The following FBN3 variants were observed in gnomAD, a reference collection of about 807,000 sequenced individuals.
FBN3 encodes fibrillin-3.
Under a neutral mutation model 330.1 loss-of-function variants are expected in FBN3, and 234 were observed. The ratio of observed to expected loss-of-function variants is 0.71; its 90% confidence interval spans 0.64 to 0.79. The LOEUF (loss-of-function observed/expected upper bound fraction) is 0.79, where lower values mean the gene tolerates loss of function less well. Among genes scored for constraint, FBN3 ranks in the 30% least tolerant of loss-of-function variants. The pLI is 0.00. For synonymous variants in FBN3, 1,458 were observed against 1,517.3 expected (o/e 0.96, Z 0.91); for missense variants, 3,606 against 3,886.9 (o/e 0.93, Z 1.92).
intron 4 of FBN3, 91 bp downstream of exon 4, chr19:8,146,036 T>C (rs2145067364): frequency 1.3e-6 from 2 of 1,494,954 alleles, no homozygotes; most frequent in East Asian, 4.9e-5. Flanking sequence ...GCCCCGCTCC[T>C]GTCCTTCAAC....
rs771974829 is a variant in FBN3, at chr19:8,131,199, G to T, written c.2044+36C>A. The T allele has an allele frequency of 5.7e-6, 9 of 1,591,288 alleles. No homozygotes were observed. Among genetic ancestry groups the T allele is most frequent in the Admixed American group, 5.4e-5 (3 of 55,526 alleles). On this transcript the variant is annotated intron_variant, in intron 16 of 63. Coordinates refer to ENST00000600128, the MANE Select transcript of FBN3 (RefSeq NM_032447.5). The surrounding 1 kb of genome is among the most constrained non-coding windows in gnomAD (Gnocchi z 4.5). The stretch of plus-strand genomic sequence containing the variant: ...CTCTCCCCACATCTGGTAGGGGCAG[G>T]CTGGCTGCTGTTTGGAGGGGCTGGG...
At chr19:8,111,244 G>A in intron 32 of FBN3, 61 bp from the exon 33 acceptor site, 1 of 1,523,344 alleles carries the variant, frequency 6.6e-7, no homozygotes, top group East Asian at 2.3e-5. Context: ...CACAGGGTGG[G>A]CAGGAGGCCC....
Position 8,081,434 on chromosome 19 carries a change from G to A in FBN3, c.7260C>T (p.Cys2420=). 6.2e-7 allele frequency: 1 copy of A among 1,612,506 alleles called. No individual in the cohort carries two copies. Among genetic ancestry groups the A allele is most frequent in the Non-Finnish European group, 8.5e-7 (1 of 1,179,256 alleles). The change falls in exon 58 of 64, where the codon TGC becomes TGT. Residue 2420 remains cysteine (C), a synonymous_variant. Transcript: ENST00000600128. ...ACAGGAAACTGCCCTTCGTGTTTTT[G>A]CAGAGGAAGGTACATGGCTTGGGGA... is the stretch of plus-strand genomic sequence containing the variant. ...SQVPKPCTFL[C]KNTKGSFLCS...
chr19:8,097,090 G>A (rs530710949), intron 42 of FBN3, 84 bp from the exon 43 acceptor site: 382 of 1,549,082 alleles, frequency 2.5e-4, no homozygotes, highest in African/African-American at 2.6e-4. Context: ...CCACTGCTTC[G>A]GAGCAGGTGG....
intron 48 of FBN3, 80 bp from the exon 49 acceptor site, chr19:8,090,331 T>C: frequency 6.6e-7 from 1 of 1,511,654 alleles, no homozygotes; most frequent in Non-Finnish European, 9.0e-7. Flanking sequence ...CGCACCCCAG[T>C]CCTGGTGAAT....
At chr19:8,125,385 G>GC (rs1475126620) in intron 22 of FBN3, among the ~76,000 whole-genome samples, 3 of 151,688 alleles carry the variant, frequency 2.0e-5, no homozygotes, top group African/African-American at 7.3e-5. Context: ...CTGCACTCCT[G>GC]CCTGGGTGAC....
intron 4 of FBN3, 94 bp downstream of exon 4, chr19:8,146,033 T>C: frequency 6.7e-7 from 1 of 1,489,470 alleles, no homozygotes; most frequent in Admixed American, 2.0e-5. Context: ...TCAGCCCCGC[T>C]CCTGTCCTTC....
chr19:8,098,723 A>T (rs1345777867), intron 41 of FBN3, among the ~76,000 whole-genome samples: 1 of 152,226 alleles, frequency 6.6e-6, no homozygotes, highest in Non-Finnish European at 1.5e-5. Flanking sequence ...CAAAACCACT[A>T]AACAGGGCAC....
In FBN3 at chr19:8,115,771, CTCTT is replaced by C. The variant is rs996976374; in HGVS notation, c.3713-135_3713-132del. ...CGCACAGGTCCTCTCTGCTAGGACTCTCTTTCTTTTCTCCAGGGGCGGGGAGCTC... is the reference window on the plus strand; with the variant it reads ...CGCACAGGTCCTCTCTGCTAGGACTCTCTTTTCTCCAGGGGCGGGGAGCTC... On this transcript the variant is annotated intron_variant, in intron 29 of 63. Transcript: ENST00000600128. The C allele has an allele frequency of 4.3e-5, 45 of 1,058,008 alleles. No individual in the cohort carries two copies. The African/African-American group carries it at 4.4e-4, about 10-fold the overall frequency. The allele number at this position is 1,058,008 out of a possible 1,614,324, so 65.5% of individuals were successfully genotyped here.
chr19:8,138,901 G>A (rs181662898), intron 8 of FBN3, among the ~76,000 whole-genome samples: 1 of 152,190 alleles, frequency 6.6e-6, no homozygotes, highest in East Asian at 1.9e-4. Context: ...ACAAAAATTA[G>A]CCAAGGGTGG....
At position 8,118,898 on chromosome 19, in the gene FBN3, C is replaced by A; in HGVS notation, c.3336G>T (p.Glu1112Asp). The A allele has an allele frequency of 6.2e-7, 1 of 1,610,346 alleles. No homozygotes were observed. The highest frequency in any genetic ancestry group is 8.5e-7 in the Non-Finnish European group (1 of 1,176,850). Reference sequence around the variant, plus strand: ...TTGCACACCCAGATGCACACTTACCCTCACAGGCAGTGCCCTTGGCCGTCA... The same window carrying A: ...TTGCACACCCAGATGCACACTTACCATCACAGGCAGTGCCCTTGGCCGTCA... Reference protein sequence around the residue: ...HELTAKGTACEDIDECSLSDG... With the variant: ...HELTAKGTACDDIDECSLSDG... Residue 1112 changes from glutamate to aspartate, a missense_variant and splice_region_variant, in exon 26 of 64, where the codon GAG (glutamate) becomes GAT (aspartate). Coordinates refer to ENST00000600128, the MANE Select transcript of FBN3 (RefSeq NM_032447.5).
chr19:8,145,053 A>C, intron 5 of FBN3, 81 bp from the exon 6 acceptor site: 1 of 1,186,318 alleles, frequency 8.4e-7, no homozygotes, highest in South Asian at 1.3e-5. Context: ...GTCTTCACCC[A>C]GGAATCCCCA....
Position 8,138,430 on chromosome 19 carries a change from A to G in FBN3, c.1000T>C (p.Cys334Arg). 1 of 1,612,582 alleles carries G rather than the reference A, an allele frequency of 6.2e-7. No individual in the cohort carries two copies. Among genetic ancestry groups the G allele is most frequent in the Non-Finnish European group, 8.5e-7 (1 of 1,179,300 alleles). Residue 334 changes from cysteine (C) to arginine (R), a missense_variant, in exon 9 of 64, where the codon TGT becomes CGT. Physicochemically the swap from Cys to Arg is radical, Grantham distance 180. Coordinates refer to ENST00000600128, the MANE Select transcript of FBN3 (RefSeq NM_032447.5). ...CWAAGPVPEL[C>R]PPRGSNEFQQ... ...TACTCACTGGAGCCCCGAGGAGGAC[A>G]CAGCTCAGGGACCGGGCCAGCTGCC... is the stretch of plus-strand genomic sequence containing the variant.
At position 8,131,508 on chromosome 19, in the gene FBN3, C is replaced by A; in HGVS notation, c.1990+46G>T. The stretch of plus-strand genomic sequence containing the variant: ...CACCAGAAGCGAGAACCGATGGAGG[C>A]ATTCAGACCAAGGAGGCGATGGGGA... On this transcript the variant is annotated intron_variant, in intron 15 of 63. Transcript: ENST00000600128. This position sits in a 1 kb window ranked among gnomAD's most constrained non-coding sequence, Gnocchi z 4.5. 6.4e-7 allele frequency: 1 copy of A among 1,565,312 alleles called. No homozygotes were observed. Among genetic ancestry groups the A allele is most frequent in the Admixed American group, 1.8e-5 (1 of 56,306 alleles).
In FBN3 at chr19:8,072,053, G is replaced by A. The variant is rs930019198; in HGVS notation, c.8083C>T (p.His2695Tyr). The stretch of plus-strand genomic sequence containing the variant: ...TAGTGCAGCACCCATGTCACCTGGT[G>A]GTCCCTGTGGGCACTGCGTCGTGGC... ...DRPRRSAHRDHQVNLATLDSE... is the reference protein window; with the variant it reads ...DRPRRSAHRDYQVNLATLDSE... The change falls in exon 63 of 64, where the codon CAC becomes TAC. Residue 2695 changes from histidine to tyrosine, a missense_variant. Coordinates refer to ENST00000600128, the MANE Select transcript of FBN3 (RefSeq NM_032447.5). 5.0e-6 allele frequency: 8 copies of A among 1,611,602 alleles called. No homozygotes were observed. Among genetic ancestry groups the A allele is most frequent in the Non-Finnish European group, 5.9e-6 (7 of 1,179,572 alleles).
intron 8 of FBN3, among the ~76,000 whole-genome samples, chr19:8,139,547 G>A (rs1030516171): frequency 2.0e-5 from 3 of 151,872 alleles, no homozygotes; most frequent in African/African-American, 7.3e-5. Flanking sequence ...ACGGAGATCT[G>A]CAGCTGTGTG....
intron 37 of FBN3, among the ~76,000 whole-genome samples, chr19:8,107,824 A>G (rs557175623): frequency 6.6e-6 from 1 of 150,962 alleles, no homozygotes; most frequent in East Asian, 2.0e-4. Flanking sequence ...GGATGGATGG[A>G]TAGATGGATG....
intron 16 of FBN3, among the ~76,000 whole-genome samples, chr19:8,130,154 T>A (rs1012913266): frequency 2.5e-4 from 38 of 151,722 alleles, no homozygotes; most frequent in African/African-American, 9.2e-4. Flanking sequence ...TCCCTCAGCC[T>A]CCCAAAGTGC....
chr19:8,075,444 G>C (rs2081618803), intron 59 of FBN3, 33 bp from the exon 60 acceptor site: 3 of 1,595,006 alleles, frequency 1.9e-6, no homozygotes, highest in African/African-American at 1.3e-5. Flanking sequence ...AGGGTTGCCT[G>C]CTGGTTAAGG....
Sources: gnomAD v4.1 joint callset for allele counts (sites outside exome capture counted in the v4.1 genomes callset) on GRCh38, gnomAD v4.1.1 for gene constraint, Gnocchi (gnomAD v3.1) non-coding constraint, MANE v1.5 for transcripts, NCBI Gene and HGNC (gene_info 2026-07-23, HGNC 2026-07-21) for gene names.